Variants in GPC5 observed in about 807,000 individuals in gnomAD.
GPC5 encodes the protein glypican 5.
GPC5 carries 47 observed loss-of-function variants against 53.9 expected under a neutral mutation model. The observed-to-expected ratio is 0.87, with a 90% confidence interval of 0.69 to 1.11. The LOEUF is 1.11. GPC5 is among the 50% of genes most tolerant of loss of function. The pLI is 0.00. For missense variants in GPC5, 748 were observed against 713.1 expected (o/e 1.05, Z -0.56); for synonymous variants, 286 against 263.3 (o/e 1.09, Z -0.84).
chr13:92,857,851 A>G (rs1218956575), intron 7 of GPC5, among the ~76,000 whole-genome samples: 1 of 152,168 alleles, frequency 6.6e-6, no homozygotes, highest in African/African-American at 2.4e-5. Context: ...AAGAAAAGGG[A>G]ATATTTATAC....
intron 2 of GPC5, among the ~76,000 whole-genome samples, chr13:91,636,398 A>ATG (rs35642587): frequency 4.0e-5 from 6 of 149,796 alleles, no homozygotes; most frequent in Non-Finnish European, 7.4e-5. Flanking sequence ...TACATACATT[A>ATG]TGTGTGTGTG....
intron 7 of GPC5, among the ~76,000 whole-genome samples, chr13:92,822,358 A>G (rs556820062): frequency 1.3e-5 from 2 of 152,240 alleles, no homozygotes; most frequent in Admixed American, 1.3e-4. Context: ...TTTACTCCTC[A>G]CAATAGCTCT....
chr13:91,512,860 G>T (rs1838780427), intron 2 of GPC5, among the ~76,000 whole-genome samples: 1 of 152,072 alleles, frequency 6.6e-6, no homozygotes. Flanking sequence ...TCTGTGATGT[G>T]TGTTTTAATC....
At chr13:92,054,032 CAAATAAAT>C (rs56703718) in intron 6 of GPC5, among the ~76,000 whole-genome samples, 12,180 of 142,490 alleles carry the variant, frequency 0.085, 796 homozygotes, top group African/African-American at 0.18. Context: ...AATTCCATTT[CAAATAAAT>C]AAATAAATAA....
chr13:92,441,656 T>C (rs769059920), intron 7 of GPC5, among the ~76,000 whole-genome samples: 3 of 152,176 alleles, frequency 2.0e-5, no homozygotes, highest in Non-Finnish European at 2.9e-5. Flanking sequence ...TTACAGATAC[T>C]ATGAAACACT....
At chr13:91,952,144 G>T (rs189394599) in intron 6 of GPC5, among the ~76,000 whole-genome samples, 5 of 151,820 alleles carry the variant, frequency 3.3e-5, no homozygotes, top group African/African-American at 1.2e-4. Flanking sequence ...AATCAGTCTT[G>T]TCATGTTACC....
intron 7 of GPC5, among the ~76,000 whole-genome samples, chr13:92,248,461 A>G (rs1201236627): frequency 6.6e-6 from 1 of 152,158 alleles, no homozygotes; most frequent in Non-Finnish European, 1.5e-5. Context: ...TTTCAACAGC[A>G]TAACCTTCAG....
chr13:92,303,917 A>C (rs991681156), intron 7 of GPC5, among the ~76,000 whole-genome samples: 3 of 152,212 alleles, frequency 2.0e-5, no homozygotes, highest in Non-Finnish European at 4.4e-5. Context: ...GGGTAAGCAC[A>C]TAAATAAATA....
intron 7 of GPC5, among the ~76,000 whole-genome samples, chr13:92,537,191 TTAAAAA>T (rs1303767093): frequency 6.6e-6 from 1 of 152,156 alleles, no homozygotes; most frequent in Admixed American, 6.6e-5. Context: ...TATTTCAAAG[TTAAAAA>T]TTAAAGCATT....
intron 7 of GPC5, among the ~76,000 whole-genome samples, chr13:92,346,072 A>G (rs2043409123): frequency 6.6e-6 from 1 of 152,088 alleles, no homozygotes; most frequent in Non-Finnish European, 1.5e-5. Context: ...CCAGGCAGGG[A>G]CACTCCCACC....
chr13:91,975,763 A>G (rs2040294177), intron 6 of GPC5, among the ~76,000 whole-genome samples: 1 of 152,214 alleles, frequency 6.6e-6, no homozygotes, highest in Non-Finnish European at 1.5e-5. Context: ...CAGCCATCCC[A>G]TTACTGGGTA....
chr13:91,851,347 C>CTCCA (rs1286591136), intron 5 of GPC5, among the ~76,000 whole-genome samples: 1 of 152,098 alleles, frequency 6.6e-6, no homozygotes, highest in African/African-American at 2.4e-5. Flanking sequence ...ATATAGGGAA[C>CTCCA]TCCACCATGA....
At chr13:92,740,584 T>C (rs2139310128) in intron 7 of GPC5, among the ~76,000 whole-genome samples, 1 of 152,164 alleles carries the variant, frequency 6.6e-6, no homozygotes, top group East Asian at 1.9e-4. Flanking sequence ...AAATTATTAG[T>C]AAGATACAGG....
intron 7 of GPC5, among the ~76,000 whole-genome samples, chr13:92,517,248 G>C (rs563477127): frequency 6.6e-6 from 1 of 152,316 alleles, no homozygotes; most frequent in Non-Finnish European, 1.5e-5. Context: ...CTCCACCTCT[G>C]GGGACAGGGC....
chr13:91,750,961 C>CA (rs113265096), intron 4 of GPC5, among the ~76,000 whole-genome samples: 30,076 of 151,996 alleles, frequency 0.2, 3,241 homozygotes, highest in African/African-American at 0.27. Context: ...TGCGCCTGGC[C>CA]GGTAAGTCTT....
chr13:91,415,949 C>T (rs532239562), intron 1 of GPC5, among the ~76,000 whole-genome samples: 108 of 152,194 alleles, frequency 7.1e-4, no homozygotes, highest in African/African-American at 2.1e-3. Flanking sequence ...CCCACTAATC[C>T]GTGCCCTGGA....
chr13:91,524,435 T>TA (rs1169175153), intron 2 of GPC5, among the ~76,000 whole-genome samples: 7 of 151,480 alleles, frequency 4.6e-5, no homozygotes, highest in Non-Finnish European at 8.8e-5. Context: ...TACCTATATA[T>TA]TTTTTTAAAT....
chr13:91,494,204 T>A (rs903814606), intron 2 of GPC5, among the ~76,000 whole-genome samples: 1 of 151,932 alleles, frequency 6.6e-6, no homozygotes, highest in South Asian at 2.1e-4. Flanking sequence ...TTCTTTTCTG[T>A]TGTTATGAAT....
intron 7 of GPC5, among the ~76,000 whole-genome samples, chr13:92,643,886 A>AAC (rs1555298410): frequency 8.6e-5 from 13 of 151,032 alleles, no homozygotes; most frequent in East Asian, 3.9e-4. Flanking sequence ...ATAAAAAAAG[A>AAC]ACACACACAC....
Sources: gnomAD v4.1 joint callset for allele counts (sites outside exome capture counted in the v4.1 genomes callset) on GRCh38, gnomAD v4.1.1 for gene constraint, MANE v1.5 for transcripts, NCBI Gene and HGNC (gene_info 2026-07-23, HGNC 2026-07-21) for gene names.